The following PSMC1 variants were observed in gnomAD, a reference collection of about 807,000 sequenced individuals.
PSMC1 encodes proteasome 26S subunit, ATPase 1.
In PSMC1, 5 loss-of-function variants were observed where a neutral mutation model predicts 49.8. The ratio of observed to expected loss-of-function variants is 0.10; its 90% CI spans 0.05 to 0.21. The LOEUF is 0.21. PSMC1 is among the 10% of genes least tolerant of loss of function. The pLI is 1.00. For missense variants in PSMC1, 181 were observed against 535.7 expected, an observed-to-expected ratio of 0.34 and a Z score of 6.54; for synonymous variants, 155 against 192.1, an observed-to-expected ratio of 0.81 and a Z score of 1.60.
chr14:90,261,862 T>C (rs1412785966), intron 3 of PSMC1, among the ~76,000 whole-genome samples: 2 of 150,588 alleles, frequency 1.3e-5, no homozygotes, highest in Admixed American at 6.7e-5. Flanking sequence ...TGTATGTTTA[T>C]TGCGGCACTA....
chr14:90,260,339 AT>A, intron 3 of PSMC1, 128 bp downstream of exon 3: 4 of 659,404 alleles, frequency 6.1e-6, no homozygotes, highest in Non-Finnish European at 1.1e-5. Flanking sequence ...TTTGTGATTC[AT>A]TTCTACCTCA....
At chr14:90,271,242 C>G (rs1215774165) in intron 10 of PSMC1, 1 of 152,220 alleles carries the variant, frequency 6.6e-6, no homozygotes, top group East Asian at 1.9e-4. Flanking sequence ...AAACAAACTT[C>G]TGTGCCAGGA....
chr14:90,263,548 A>C, intron 4 of PSMC1, 106 bp downstream of exon 4: 1 of 1,453,620 alleles, frequency 6.9e-7, no homozygotes, highest in Non-Finnish European at 9.4e-7. Context: ...GGCTTTCATG[A>C]GTATTATTAG....
intron 2 of PSMC1, 91 bp downstream of exon 2, chr14:90,259,304 T>C: frequency 1.6e-6 from 2 of 1,246,644 alleles, no homozygotes; most frequent in Non-Finnish European, 2.3e-6. Context: ...TTCATGAATT[T>C]TAAAAAGTAG....
In PSMC1 at chr14:90,274,787, T is replaced by TACACACACACACACAC. The variant is rs144111170; in HGVS notation, c.*2417_*2432dup. 103 of 110,974 alleles carry TACACACACACACACAC rather than the reference T, an allele frequency of 9.3e-4. No individual in the cohort carries two copies. The highest frequency in any genetic ancestry group is 2.0e-3 in the African/African-American group (64 of 31,810). 6.9% of individuals were successfully genotyped at this position (110,974 alleles called of 1,614,324 possible). On this transcript the variant is annotated 3_prime_UTR_variant, in exon 11 of 11. Transcript: ENST00000261303. Reference sequence around the variant, plus strand: ...CAGTATAGCCCTTTAAATAGGGAACTACACACACACACACACACACACACA... The same window carrying TACACACACACACACAC: ...CAGTATAGCCCTTTAAATAGGGAACTACACACACACACACACACACACACACACACACACACACACA...
chr14:90,269,629 A>G (rs1595045832), intron 9 of PSMC1, 81 bp downstream of exon 9: 1 of 1,482,744 alleles, frequency 6.7e-7, no homozygotes. Context: ...GGCCTATAAA[A>G]TGATACATAA....
chr14:90,270,781 T>G (rs992352303), intron 10 of PSMC1: 1 of 154,248 alleles, frequency 6.5e-6, no homozygotes, highest in Non-Finnish European at 1.4e-5. Context: ...CTTGGTTTTA[T>G]GACAAATGTA....
Position 90,265,094 on chromosome 14 carries a change from C to A in PSMC1, c.619C>A (p.His207Asn). ...GGAATCTGTGGAGCTTCCTCTCACC[C>A]ATCCTGAATATTATGAAGAGATGGG... The part of the protein sequence containing the change: ...IKESVELPLT[H>N]PEYYEEMGIK... Residue 207 changes from histidine to asparagine, a missense_variant, in exon 7 of 11, where the codon CAT becomes AAT. Around this residue, in one of 3 missense-constraint regions of PSMC1, gnomAD observed 121 missense variants for 358.6 expected, o/e 0.34. Transcript: ENST00000261303. 6.2e-7 allele frequency: 1 copy of A among 1,612,430 alleles called. No individual in the cohort carries two copies. Among genetic ancestry groups the A allele is most frequent in the East Asian group, 2.2e-5 (1 of 44,866 alleles).
At chr14:90,271,334 A>G (rs1891656174) in intron 10 of PSMC1, 1 of 152,086 alleles carries the variant, frequency 6.6e-6, no homozygotes, top group Non-Finnish European at 1.5e-5. Flanking sequence ...AACCCACATA[A>G]TATGTTTGTT....
chr14:90,260,776 G>A (rs947629511), intron 3 of PSMC1, among the ~76,000 whole-genome samples: 1 of 152,110 alleles, frequency 6.6e-6, no homozygotes, highest in African/African-American at 2.4e-5. Context: ...TCTTTAACTG[G>A]CTCCTCTAGT....
chr14:90,268,422 T>C lies in PSMC1; in HGVS notation c.881+9T>C, dbSNP rs1329789503. 6.2e-7 allele frequency: 1 copy of C among 1,613,592 alleles called. No individual in the cohort carries two copies. The highest frequency in any genetic ancestry group is 8.5e-7 in the Non-Finnish European group (1 of 1,179,758). Reference sequence around the variant, plus strand: ...GCCATTGGGACAAAAAGGTAGACTTTCTCATACTTATTTTGCCTTGTTTAG... The same window carrying C: ...GCCATTGGGACAAAAAGGTAGACTTCCTCATACTTATTTTGCCTTGTTTAG... On this transcript the variant is annotated intron_variant, in intron 8 of 10. Transcript: ENST00000261303.
intron 3 of PSMC1, 61 bp downstream of exon 3, chr14:90,260,272 T>C: frequency 7.9e-7 from 1 of 1,268,956 alleles, no homozygotes; most frequent in South Asian, 1.3e-5. Flanking sequence ...TCTCTGTGCA[T>C]GTAGCTTAGA....
intron 1 of PSMC1, among the ~76,000 whole-genome samples, chr14:90,257,189 A>G (rs1328048368): frequency 7.1e-6 from 1 of 140,588 alleles, no homozygotes; most frequent in African/African-American, 2.6e-5. Flanking sequence ...CTAAACAAGT[A>G]TTTACTGAGC....
chr14:90,264,781 G>A (rs945095476), intron 6 of PSMC1, among the ~76,000 whole-genome samples: 25 of 152,170 alleles, frequency 1.6e-4, no homozygotes, highest in Middle Eastern at 3.2e-3. Context: ...GTCAACTTGA[G>A]CTTTATTAAG....
chr14:90,267,085 C>G (rs911867315), intron 7 of PSMC1, among the ~76,000 whole-genome samples: 2 of 151,922 alleles, frequency 1.3e-5, no homozygotes, highest in African/African-American at 4.8e-5. Context: ...TCTTCCAATT[C>G]AAAAATTCTC....
intron 8 of PSMC1, 60 bp downstream of exon 8, chr14:90,268,473 T>G: frequency 6.5e-7 from 1 of 1,529,072 alleles, no homozygotes; most frequent in Non-Finnish European, 9.0e-7. Context: ...AGCTCTTCTC[T>G]TGAGAATGAG....
At chr14:90,268,785 A>G (rs1172219306) in intron 8 of PSMC1, 5 of 179,268 alleles carry the variant, frequency 2.8e-5, no homozygotes, top group Non-Finnish European at 2.3e-5. Flanking sequence ...AGAAACTGCT[A>G]TGAAAAAATA....
intron 3 of PSMC1, among the ~76,000 whole-genome samples, chr14:90,261,853 G>C (rs1309291962): frequency 6.7e-6 from 1 of 150,094 alleles, no homozygotes; most frequent in African/African-American, 2.4e-5. Context: ...CCATGCACAT[G>C]TATGTTTATT....
rs1891722127 is a variant in PSMC1 at position 90,273,526 on chromosome 14, C to T, written c.*1119C>T. On this transcript the variant is annotated 3_prime_UTR_variant, in exon 11 of 11. Transcript: ENST00000261303. ...TGAGCCAAGATCCCGTCACTGCACT[C>T]CAGCCTGGGCGACAGAGCAAGACTC... is the stretch of plus-strand genomic sequence containing the variant. 1 of 152,148 alleles carries T rather than the reference C, an allele frequency of 6.6e-6. No individual in the cohort carries two copies. Among genetic ancestry groups the T allele is most frequent in the South Asian group, 2.1e-4 (1 of 4,824 alleles). The allele number at this position is 152,148 out of a possible 1,614,324, so 9.4% of individuals were successfully genotyped here. A position where few individuals can be genotyped will look rare whatever the true frequency, so the allele number is the denominator to read the frequency against.
Sources: gnomAD v4.1 joint callset for allele counts (sites outside exome capture counted in the v4.1 genomes callset) on GRCh38, gnomAD v4.1.1 for gene constraint, gnomAD v4.1.1 regional missense constraint, MANE v1.5 for transcripts, NCBI Gene and HGNC (gene_info 2026-07-23, HGNC 2026-07-21) for gene names.